CNGA3: variants seen among roughly 807,000 people sequenced by gnomAD.
CNGA3 encodes cyclic nucleotide gated channel subunit alpha 3.
A neutral mutation model predicts 46.6 loss-of-function variants in CNGA3; 42 were observed. The observed-to-expected ratio is 0.90, with a 90% CI of 0.70 to 1.17. The LOEUF (loss-of-function observed/expected upper bound fraction) is 1.17. CNGA3 is among the 50% of genes most tolerant of loss of function. The pLI is 0.00. For missense variants in CNGA3, 893 were observed against 890.7 expected, an observed-to-expected ratio of 1.00 and a Z score of -0.03; for synonymous variants, 394 against 369.4, an observed-to-expected ratio of 1.07 and a Z score of -0.76.
chr2:98,347,783 G>A (rs912515265), intron 1 of CNGA3, among the ~76,000 whole-genome samples: 2 of 152,204 alleles, frequency 1.3e-5, no homozygotes. Flanking sequence ...GCACCCACCC[G>A]GGTTCAGACT....
intron 1 of CNGA3, among the ~76,000 whole-genome samples, chr2:98,363,836 C>T (rs1692087063): frequency 6.6e-6 from 1 of 152,066 alleles, no homozygotes; most frequent in Non-Finnish European, 1.5e-5. Context: ...ACTTCAAGTC[C>T]TGAATATCCT....
intron 2 of CNGA3, among the ~76,000 whole-genome samples, chr2:98,373,016 G>T (rs1344248568): frequency 6.6e-6 from 1 of 152,136 alleles, no homozygotes; most frequent in South Asian, 2.1e-4. Context: ...TTATGAAAGA[G>T]CTATGCTTTA....
intron 4 of CNGA3, among the ~76,000 whole-genome samples, chr2:98,380,560 A>G (rs552175243): frequency 1.5e-4 from 23 of 152,198 alleles, no homozygotes; most frequent in African/African-American, 5.5e-4. Flanking sequence ...TGCAGGAGGG[A>G]GAAAACCCTT....
In CNGA3 at chr2:98,395,955, C is replaced by T. The variant is rs1226035392; in HGVS notation, c.785C>T (p.Ala262Val). ...TTGTCCCTGGTCCCCACCGACCTGG[C>T]TTACTTAAAGGTGGGCACAAACTAC... ...DVLSLVPTDLAYLKVGTNYPE... is the reference protein window; with the variant it reads ...DVLSLVPTDLVYLKVGTNYPE... Residue 262 changes from alanine to valine, a missense_variant, in exon 8 of 8, where the codon GCT (alanine) becomes GTT (valine). This residue lies in a region of CNGA3 where 548 missense variants were observed against 570.8 expected (regional missense o/e 0.96). Coordinates refer to ENST00000272602, the MANE Select transcript of CNGA3 (RefSeq NM_001298.3). 16 of 1,614,086 alleles carry T rather than the reference C, an allele frequency of 9.9e-6. No individual in the cohort carries two copies. Among genetic ancestry groups the T allele is most frequent in the Non-Finnish European group, 1.4e-5 (16 of 1,180,034 alleles).
intron 7 of CNGA3, among the ~76,000 whole-genome samples, chr2:98,394,918 T>G (rs1482810640): frequency 1.3e-5 from 2 of 152,218 alleles, no homozygotes; most frequent in Non-Finnish European, 2.9e-5. Flanking sequence ...CACATGTAGA[T>G]TCACTGAGCG....
intron 5 of CNGA3, among the ~76,000 whole-genome samples, chr2:98,386,596 G>C (rs939370356): frequency 6.6e-6 from 1 of 152,204 alleles, no homozygotes. Context: ...ACCCACCCTC[G>C]GGTATGCCTT....
intron 1 of CNGA3, among the ~76,000 whole-genome samples, chr2:98,361,583 C>T (rs1433063300): frequency 6.6e-6 from 1 of 151,884 alleles, no homozygotes; most frequent in Admixed American, 6.6e-5. Flanking sequence ...ATTTCTGGTT[C>T]TGGGTCTTTG....
intron 1 of CNGA3, chr2:98,356,120 T>C (rs1482022428): frequency 6.6e-6 from 1 of 152,130 alleles, no homozygotes; most frequent in Non-Finnish European, 1.5e-5. Flanking sequence ...GATGGGGGCA[T>C]AAGGGAAAGG....
chr2:98,389,417 T>C (rs557665391), intron 5 of CNGA3, among the ~76,000 whole-genome samples: 1 of 152,294 alleles, frequency 6.6e-6, no homozygotes, highest in African/African-American at 2.4e-5. Context: ...ACCATTACCT[T>C]ATAGTCGACC....
At chr2:98,354,880 T>C (rs1279082779) in intron 1 of CNGA3, among the ~76,000 whole-genome samples, 1 of 152,254 alleles carries the variant, frequency 6.6e-6, no homozygotes, top group Non-Finnish European at 1.5e-5. Context: ...CATTTTTATT[T>C]TGATGCAGTC....
At chr2:98,392,662 C>T (rs1156311761) in intron 7 of CNGA3, among the ~76,000 whole-genome samples, 6 of 151,952 alleles carry the variant, frequency 3.9e-5, no homozygotes, top group South Asian at 4.1e-4. Context: ...TCTCACTACT[C>T]GACACTGGGG....
At chr2:98,394,226 G>C (rs1000233639) in intron 7 of CNGA3, among the ~76,000 whole-genome samples, 2 of 152,134 alleles carry the variant, frequency 1.3e-5, no homozygotes, top group African/African-American at 4.8e-5. Context: ...AAAAAAGAAT[G>C]CAGGTCATGG....
intron 3 of CNGA3, chr2:98,378,068 A>G: frequency 1.3e-6 from 2 of 1,550,768 alleles, no homozygotes; most frequent in Non-Finnish European, 1.7e-6. Context: ...GTTTGGAAGA[A>G]TTCAGAAAAA....
chr2:98,393,125 G>T (rs187443060), intron 7 of CNGA3, among the ~76,000 whole-genome samples: 1 of 151,994 alleles, frequency 6.6e-6, no homozygotes. Flanking sequence ...TTAGCTGGAC[G>T]TGTTGGTGTG....
chr2:98,361,958 C>G (rs1015896974), intron 1 of CNGA3, among the ~76,000 whole-genome samples: 1 of 151,976 alleles, frequency 6.6e-6, no homozygotes, highest in Non-Finnish European at 1.5e-5. Flanking sequence ...CCACCTGCCT[C>G]GGCCTCCCAA....
chr2:98,367,193 T>C (rs575254025), intron 1 of CNGA3, among the ~76,000 whole-genome samples: 3 of 143,016 alleles, frequency 2.1e-5, no homozygotes, highest in Non-Finnish European at 3.1e-5. Context: ...TTCTTTTTTT[T>C]TTTTTTTTAT....
Position 98,397,607 on chromosome 2 carries a change from T to C in CNGA3, c.*352T>C. ...GTTTTTAGGCTTTTTAATCTGATTT[T>C]CTTATAAATGAAAGATTATTTAGTC... is the stretch of plus-strand genomic sequence containing the variant. On this transcript the variant is annotated 3_prime_UTR_variant, in exon 8 of 8. Transcript: ENST00000272602. The C allele has an allele frequency of 2.9e-6, 1 of 346,776 alleles. No individual in the cohort carries two copies. Among genetic ancestry groups the C allele is most frequent in the Non-Finnish European group, 5.4e-6 (1 of 186,030 alleles). The allele number at this position is 346,776 out of a possible 1,614,324, so 21.5% of individuals were successfully genotyped here. A position where few individuals can be genotyped will look rare whatever the true frequency, so the allele number is the denominator to read the frequency against.
chr2:98,390,142 CTTTTTTTT>C (rs562711126), intron 6 of CNGA3, among the ~76,000 whole-genome samples: 1 of 144,584 alleles, frequency 6.9e-6, no homozygotes, highest in South Asian at 2.2e-4. Flanking sequence ...CTATTTTTTT[CTTTTTTTT>C]TTTGAGACAG....
Position 98,396,587 on chromosome 2 carries a change from C to A in CNGA3, c.1417C>A (p.His473Asn), listed in dbSNP as rs760052020. 1.1e-5 allele frequency: 17 copies of A among 1,613,942 alleles called. No individual in the cohort carries two copies. Among genetic ancestry groups the A allele is most frequent in the Non-Finnish European group, 1.1e-5 (13 of 1,179,948 alleles). ...GAAGGCTGAGATCGCCATCAACGTGCACCTGGACACGCTGAAGAAGGTTCG... is the reference window on the plus strand; with the variant it reads ...GAAGGCTGAGATCGCCATCAACGTGAACCTGGACACGCTGAAGAAGGTTCG... ...KLKAEIAINV[H>N]LDTLKKVRIF... The change falls in exon 8 of 8, where the codon CAC becomes AAC. Residue 473 changes from histidine to asparagine, a missense_variant. His to Asn is a moderately conservative substitution (Grantham distance 68, BLOSUM62 1). This residue lies in a region of CNGA3 where 548 missense variants were observed against 570.8 expected (regional missense o/e 0.96). Transcript: ENST00000272602.
Sources: allele counts gnomAD v4.1 joint callset (sites outside exome capture counted in the v4.1 genomes callset), GRCh38; gene constraint gnomAD v4.1.1; regional missense constraint gnomAD v4.1.1; transcripts MANE v1.5; gene names NCBI Gene and HGNC (gene_info 2026-07-23, HGNC 2026-07-21).